The following WWOX variants were observed in gnomAD, a reference collection of about 807,000 sequenced individuals.
WWOX encodes WW domain containing oxidoreductase, also known as WW domain-containing oxidoreductase.
In WWOX, 69 loss-of-function variants were observed where a neutral mutation model predicts 46.2. That is an observed-to-expected ratio of 1.49 (90% CI 1.23 to 1.82). The LOEUF is 1.82. Ranked by LOEUF, WWOX falls within the 40% of genes most tolerant of loss-of-function variation. The pLI is 0.00. For synonymous variants in WWOX, 359 were observed against 202.6 expected (o/e 1.77, Z -6.56); for missense variants, 919 against 542.6 (o/e 1.69, Z -6.89).
At chr16:79,172,749 G>C (rs2050725044) in intron 8 of WWOX, among the ~76,000 whole-genome samples, 1 of 152,132 alleles carries the variant, frequency 6.6e-6, no homozygotes, top group African/African-American at 2.4e-5. Flanking sequence ...TTCACGGCCA[G>C]TTATGGTGGC....
At chr16:78,711,809 C>T (rs892922895) in intron 8 of WWOX, among the ~76,000 whole-genome samples, 2 of 152,314 alleles carry the variant, frequency 1.3e-5, no homozygotes, top group South Asian at 2.1e-4. Flanking sequence ...CTCCTGCACA[C>T]ACTCTCCCAC....
At chr16:78,927,320 C>A (rs978002625) in intron 8 of WWOX, among the ~76,000 whole-genome samples, 2 of 152,182 alleles carry the variant, frequency 1.3e-5, no homozygotes, top group African/African-American at 2.4e-5. Context: ...CACTGTTTAT[C>A]CTGGTGACCT....
At chr16:78,254,993 G>A (rs988481593) in intron 5 of WWOX, among the ~76,000 whole-genome samples, 1 of 152,208 alleles carries the variant, frequency 6.6e-6, no homozygotes, top group African/African-American at 2.4e-5. Context: ...TGCTTAAGAG[G>A]CCTCACTTTG....
intron 8 of WWOX, among the ~76,000 whole-genome samples, chr16:78,943,793 T>C (rs1422799066): frequency 1.3e-5 from 2 of 152,104 alleles, no homozygotes; most frequent in African/African-American, 4.8e-5. Context: ...AGGGGAAATC[T>C]TTCCCACCGC....
At chr16:79,144,020 A>C (rs2150720608) in intron 8 of WWOX, among the ~76,000 whole-genome samples, 1 of 152,212 alleles carries the variant, frequency 6.6e-6, no homozygotes, top group South Asian at 2.1e-4. Flanking sequence ...TTTTCAGCTT[A>C]CTGAGTAGCT....
chr16:78,624,231 C>A (rs1429545443), intron 8 of WWOX, among the ~76,000 whole-genome samples: 1 of 139,468 alleles, frequency 7.2e-6, no homozygotes, highest in African/African-American at 2.7e-5. Context: ...TTCGTGGAAT[C>A]ATGTTCCCTT....
intron 6 of WWOX, among the ~76,000 whole-genome samples, chr16:78,391,787 G>T (rs1352258517): frequency 1.3e-5 from 2 of 152,220 alleles, no homozygotes; most frequent in Middle Eastern, 3.4e-3. Flanking sequence ...GTGGGCAGAG[G>T]TTGCAGTGAG....
At chr16:79,168,224 A>G (rs561250139) in intron 8 of WWOX, among the ~76,000 whole-genome samples, 2 of 152,174 alleles carry the variant, frequency 1.3e-5, no homozygotes, top group South Asian at 2.1e-4. Flanking sequence ...ACATGTTCTC[A>G]CTTTTCTTGG....
At chr16:79,097,937 G>A (rs900708318) in intron 8 of WWOX, among the ~76,000 whole-genome samples, 1 of 152,230 alleles carries the variant, frequency 6.6e-6, no homozygotes, top group East Asian at 1.9e-4. Context: ...GATAAGTCAG[G>A]TCCTGCCGGG....
chr16:78,152,255 A>G (rs1289868689), intron 4 of WWOX, among the ~76,000 whole-genome samples: 4 of 152,052 alleles, frequency 2.6e-5, no homozygotes, highest in Non-Finnish European at 4.4e-5. Context: ...ATTTCTCCTC[A>G]TTCTTTTTAG....
chr16:78,623,142 C>T (rs1025003828), intron 8 of WWOX, among the ~76,000 whole-genome samples: 1 of 151,794 alleles, frequency 6.6e-6, no homozygotes, highest in East Asian at 1.9e-4. Context: ...ATGGTAAGAC[C>T]CTGGATGGAG....
intron 8 of WWOX, among the ~76,000 whole-genome samples, chr16:78,831,761 G>A (rs192788886): frequency 6.6e-4 from 100 of 152,300 alleles, no homozygotes; most frequent in African/African-American, 2.4e-3. Context: ...TGAAAATAAT[G>A]ATTATAACTA....
chr16:78,116,209 A>G (rs1459775416), intron 4 of WWOX, among the ~76,000 whole-genome samples: 2 of 151,802 alleles, frequency 1.3e-5, no homozygotes, highest in Non-Finnish European at 2.9e-5. Flanking sequence ...ATTAACTATA[A>G]TCAACTTGTT....
intron 8 of WWOX, among the ~76,000 whole-genome samples, chr16:78,509,074 T>A (rs1353484726): frequency 6.6e-6 from 1 of 152,258 alleles, no homozygotes; most frequent in African/African-American, 2.4e-5. Context: ...CAGTGGGCAC[T>A]GTTTCCAGTG....
At chr16:78,145,445 C>T (rs2034164353) in intron 4 of WWOX, among the ~76,000 whole-genome samples, 2 of 152,070 alleles carry the variant, frequency 1.3e-5, no homozygotes, top group Non-Finnish European at 1.5e-5. Flanking sequence ...TCCGATGTTC[C>T]AGGGCAGGAA....
chr16:79,169,425 C>T (rs922476645), intron 8 of WWOX, among the ~76,000 whole-genome samples: 1 of 152,186 alleles, frequency 6.6e-6, no homozygotes, highest in African/African-American at 2.4e-5. Flanking sequence ...TGCAGTGCTT[C>T]CCTGCAGCTG....
chr16:79,028,983 A>T (rs1182786822), intron 8 of WWOX, among the ~76,000 whole-genome samples: 1 of 151,750 alleles, frequency 6.6e-6, no homozygotes, highest in Non-Finnish European at 1.5e-5. Flanking sequence ...TGTGGAGAAC[A>T]CTCTCCATGT....
At chr16:78,522,711 T>A (rs1280571496) in intron 8 of WWOX, among the ~76,000 whole-genome samples, 1 of 152,250 alleles carries the variant, frequency 6.6e-6, no homozygotes, top group Non-Finnish European at 1.5e-5. Context: ...CGGGGCAAGG[T>A]TACAACAGAG....
chr16:78,935,255 T>G, intron 8 of WWOX, among the ~76,000 whole-genome samples: 1 of 152,190 alleles, frequency 6.6e-6, no homozygotes, highest in African/African-American at 2.4e-5. Context: ...CATTACTGGG[T>G]ATATACCCAA....
Sources: allele counts gnomAD v4.1 joint callset (sites outside exome capture counted in the v4.1 genomes callset), GRCh38; gene constraint gnomAD v4.1.1; transcripts MANE v1.5; gene names NCBI Gene and HGNC (gene_info 2026-07-23, HGNC 2026-07-21).